The following IPO8 variants were observed in gnomAD, a reference collection of about 807,000 sequenced individuals.
The protein encoded by IPO8 is importin-8.
IPO8 carries 65 observed loss-of-function variants against 141.2 expected under a neutral mutation model. The observed-to-expected ratio is 0.46, with a 90% confidence interval of 0.38 to 0.57. The LOEUF is 0.57. Among genes scored for constraint, IPO8 ranks in the 20% least tolerant of loss-of-function variants. The pLI is 0.00. For missense variants in IPO8, 980 were observed against 1,246.8 expected (o/e 0.79, Z 3.22); for synonymous variants, 411 against 420.3 (o/e 0.98, Z 0.27).
At position 30,671,067 on chromosome 12, in the gene IPO8, T is replaced by A. The variant is rs777196499; in HGVS notation, c.939A>T (p.Arg313Ser). 1 of 1,602,384 alleles carries A rather than the reference T, an allele frequency of 6.2e-7. No homozygotes were observed. The highest frequency in any genetic ancestry group is 8.6e-7 in the Non-Finnish European group (1 of 1,169,582). The change falls in exon 9 of 25, where the codon AGA becomes AGT. Residue 313 changes from arginine (R) to serine (S), a missense_variant. By Grantham distance (110) the Arg-to-Ser change is moderately radical. Around this residue, in one of 3 missense-constraint regions of IPO8, gnomAD observed 924 missense variants for 1,153.9 expected, o/e 0.80. Coordinates refer to ENST00000256079, the MANE Select transcript of IPO8 (RefSeq NM_006390.4). ...CACGGGGAGCTACATATTCTTTCTG[T>A]CTATATTGATCTAAAATTTTTAGTA... The part of the protein sequence containing the change: ...QVLLKILDQY[R>S]QKEYVAPRVL...
chr12:30,641,733 A>G (rs2052577885), intron 20 of IPO8, among the ~76,000 whole-genome samples: 1 of 152,148 alleles, frequency 6.6e-6, no homozygotes, highest in African/African-American at 2.4e-5. Context: ...AGTAGTAACC[A>G]TTTCTTGGTA....
At chr12:30,676,711 T>C in intron 5 of IPO8, 124 bp from the exon 6 acceptor site, 1 of 804,176 alleles carries the variant, frequency 1.2e-6, no homozygotes, top group Non-Finnish European at 2.1e-6. Context: ...ATAGCAATCT[T>C]GTATGGTTCA....
Position 30,695,395 on chromosome 12 carries a change from C to A in IPO8, c.84+169G>T, listed in dbSNP as rs2241828. On this transcript the variant is annotated intron_variant, in intron 1 of 24. Coordinates refer to ENST00000256079, the MANE Select transcript of IPO8 (RefSeq NM_006390.4). The surrounding 1 kb of genome is among the most constrained non-coding windows in gnomAD (Gnocchi z 4.2). ...GCTGTTCGGCAAAGATCCTGGGAGC[C>A]CTGCTCCACTGGACCGGGGGGCAGC... Among the ~76,000 whole-genome samples, 1 of 152,030 alleles carries A rather than the reference C, an allele frequency of 6.6e-6. No individual in the cohort carries two copies. Among genetic ancestry groups the A allele is most frequent in the African/African-American group, 2.4e-5 (1 of 41,414 alleles).
At chr12:30,638,889 T>C (rs2052539599) in intron 21 of IPO8, among the ~76,000 whole-genome samples, 1 of 152,128 alleles carries the variant, frequency 6.6e-6, no homozygotes, top group Non-Finnish European at 1.5e-5. Flanking sequence ...GCCAGAATGG[T>C]CTCGATCTCC....
rs935464702 is a variant in IPO8 at position 30,663,354 on chromosome 12, T to C, written c.1594+135A>G. On this transcript the variant is annotated intron_variant, in intron 14 of 24. Transcript: ENST00000256079. ...AACACCTAAAAAGGACAAGAATAAA[T>C]TCCTACAAAATTCTGAGAGGGCAAA... 9.0e-6 allele frequency: 6 copies of C among 670,324 alleles called. No individual in the cohort carries two copies. In the East Asian group the frequency reaches 1.1e-4, roughly 13 times the overall value. 41.5% of individuals were successfully genotyped at this position (670,324 alleles called of 1,614,324 possible).
intron 2 of IPO8, among the ~76,000 whole-genome samples, chr12:30,687,171 G>A (rs111611993): frequency 6.6e-6 from 1 of 152,138 alleles, no homozygotes; most frequent in Non-Finnish European, 1.5e-5. Context: ...TAAATTTACT[G>A]TATCTGTCTG....
intron 3 of IPO8, among the ~76,000 whole-genome samples, chr12:30,683,344 C>G (rs1287517617): frequency 6.6e-6 from 1 of 152,128 alleles, no homozygotes; most frequent in African/African-American, 2.4e-5. Context: ...GTTCTCCTTC[C>G]TGTTACCCGT....
chr12:30,676,811 CT>C, intron 5 of IPO8: 1 of 1,034,384 alleles, frequency 9.7e-7, no homozygotes, highest in South Asian at 1.4e-5. Context: ...CTTGGGTCTA[CT>C]TTTTAAAAGG....
At chr12:30,631,681 C>T in intron 24 of IPO8, 2 of 444,116 alleles carry the variant, frequency 4.5e-6, no homozygotes, top group Non-Finnish European at 8.2e-6. Context: ...GAGAACACCA[C>T]TAGGAAATAC....
At chr12:30,689,659 A>C (rs1457140646) in intron 2 of IPO8, among the ~76,000 whole-genome samples, 11 of 152,184 alleles carry the variant, frequency 7.2e-5, no homozygotes, top group Non-Finnish European at 1.5e-5. Flanking sequence ...ATTTCTCTGA[A>C]ACTGTTCATC....
rs150350956 is a variant in IPO8 at position 30,634,160 on chromosome 12, G to A, written c.2822C>T (p.Ala941Val). Residue 941 changes from alanine to valine, a missense_variant, in exon 23 of 25, where the codon GCG becomes GTG. Ala to Val is a moderately conservative substitution (Grantham distance 64). Coordinates refer to ENST00000256079, the MANE Select transcript of IPO8 (RefSeq NM_006390.4). ...AAGTGGAGTACTGAACCCCTCAAGC[G>A]CGGTTTCTTCCAATACTTCTTCATC... is the stretch of plus-strand genomic sequence containing the variant. ...DWDEEVLEET[A>V]LEGFSTPLDL... 1,363 of 1,613,838 alleles carry A rather than the reference G, an allele frequency of 8.4e-4. No homozygotes were observed. The highest frequency in any genetic ancestry group is 1.1e-3 in the Non-Finnish European group (1,243 of 1,179,900).
At chr12:30,652,140 C>T in intron 19 of IPO8, 52 bp downstream of exon 19, 1 of 1,000,730 alleles carries the variant, frequency 1.0e-6, no homozygotes, top group South Asian at 1.4e-5. Context: ...TGAAGCAAAA[C>T]AGGCAAACAT....
intron 5 of IPO8, chr12:30,677,352 G>A (rs1319230744): frequency 5.9e-6 from 2 of 338,050 alleles, no homozygotes; most frequent in Non-Finnish European, 1.2e-5. Flanking sequence ...TGGTGATGCT[G>A]GTGCAAACAA....
At chr12:30,665,397 T>G in intron 12 of IPO8, 88 bp from the exon 13 acceptor site, 1 of 778,724 alleles carries the variant, frequency 1.3e-6, no homozygotes, top group Non-Finnish European at 2.2e-6. Flanking sequence ...TGACTTGCAT[T>G]TAATATACTT....
intron 1 of IPO8, among the ~76,000 whole-genome samples, chr12:30,693,994 C>G (rs997813642): frequency 6.6e-6 from 1 of 152,122 alleles, no homozygotes; most frequent in African/African-American, 2.4e-5. Flanking sequence ...ACTTTTTCCA[C>G]TTCTATAACA....
intron 1 of IPO8, among the ~76,000 whole-genome samples, chr12:30,691,626 G>C (rs1484750300): frequency 1.3e-5 from 2 of 152,164 alleles, no homozygotes; most frequent in Non-Finnish European, 2.9e-5. Context: ...TCAAATTCCA[G>C]TGAGGCCAAA....
At chr12:30,669,515 G>A (rs2053018269) in intron 9 of IPO8, among the ~76,000 whole-genome samples, 1 of 152,050 alleles carries the variant, frequency 6.6e-6, no homozygotes, top group South Asian at 2.1e-4. Flanking sequence ...TAAAGGGCCA[G>A]GCATGGTGAC....
intron 23 of IPO8, among the ~76,000 whole-genome samples, chr12:30,633,283 A>C (rs2052458351): frequency 6.6e-6 from 1 of 152,210 alleles, no homozygotes; most frequent in Non-Finnish European, 1.5e-5. Context: ...CATTTTAATA[A>C]CCCTCATAAT....
chr12:30,655,365 G>C (rs1369151982), intron 17 of IPO8, among the ~76,000 whole-genome samples: 1 of 152,078 alleles, frequency 6.6e-6, no homozygotes, highest in African/African-American at 2.4e-5. Flanking sequence ...AATAAAAATT[G>C]TATCTATGAT....
Sources: allele counts gnomAD v4.1 joint callset (sites outside exome capture counted in the v4.1 genomes callset), GRCh38; gene constraint gnomAD v4.1.1; regional missense constraint gnomAD v4.1.1; non-coding constraint Gnocchi (gnomAD v3.1); transcripts MANE v1.5; gene names NCBI Gene and HGNC (gene_info 2026-07-23, HGNC 2026-07-21).